ERBB4: variants seen among roughly 807,000 people sequenced by gnomAD.
The protein encoded by ERBB4 is receptor tyrosine-protein kinase erbB-4.
ERBB4 carries 42 observed loss-of-function variants against 158.0 expected under a neutral mutation model. The observed-to-expected ratio is 0.27, with a 90% confidence interval of 0.21 to 0.34. The LOEUF (loss-of-function observed/expected upper bound fraction) is 0.34. ERBB4 is among the 10% of genes least tolerant of loss of function. The pLI, the probability that ERBB4 is intolerant of heterozygous loss-of-function variation, is 1.00. For missense variants in ERBB4, 1,333 were observed against 1,624.1 expected, an observed-to-expected ratio of 0.82 and a Z score of 3.08; for synonymous variants, 583 against 558.7, an observed-to-expected ratio of 1.04 and a Z score of -0.61.
intron 3 of ERBB4, among the ~76,000 whole-genome samples, chr2:211,945,632 A>T (rs1317014239): frequency 6.6e-6 from 1 of 152,120 alleles, no homozygotes; most frequent in Admixed American, 6.6e-5. Context: ...GGTATGCACA[A>T]GTTAAACAAC....
intron 1 of ERBB4, among the ~76,000 whole-genome samples, chr2:212,465,893 T>G (rs1312933240): frequency 1.3e-5 from 2 of 152,210 alleles, no homozygotes; most frequent in Non-Finnish European, 2.9e-5. Context: ...AAGAAATACT[T>G]GAAGTTCTTC....
At chr2:212,462,599 A>G (rs982792606) in intron 1 of ERBB4, among the ~76,000 whole-genome samples, 2 of 152,196 alleles carry the variant, frequency 1.3e-5, no homozygotes, top group African/African-American at 2.4e-5. Flanking sequence ...AAGATAAAAA[A>G]TAAGAAATAA....
At chr2:211,851,114 G>T (rs1219843978) in intron 3 of ERBB4, among the ~76,000 whole-genome samples, 1 of 151,826 alleles carries the variant, frequency 6.6e-6, no homozygotes, top group East Asian at 1.9e-4. Flanking sequence ...AACAGATAAA[G>T]TAGTATACAA....
intron 8 of ERBB4, among the ~76,000 whole-genome samples, chr2:211,712,582 A>C (rs997524680): frequency 1.3e-5 from 2 of 152,156 alleles, no homozygotes; most frequent in Admixed American, 1.3e-4. Context: ...AAATGATTTC[A>C]TGGCCTACAT....
intron 4 of ERBB4, chr2:211,779,386 A>G (rs372363754): frequency 4.0e-4 from 61 of 152,286 alleles, no homozygotes; most frequent in African/African-American, 1.4e-3. Flanking sequence ...TAGGAGCAGT[A>G]CTCGCCATTA....
intron 2 of ERBB4, among the ~76,000 whole-genome samples, chr2:211,977,794 C>A: frequency 6.9e-6 from 1 of 144,772 alleles, no homozygotes; most frequent in East Asian, 2.2e-4. Context: ...GGAGGTTGCA[C>A]TGAGCCATTG....
At chr2:212,393,447 A>G (rs1473238375) in intron 1 of ERBB4, among the ~76,000 whole-genome samples, 1 of 152,056 alleles carries the variant, frequency 6.6e-6, no homozygotes, top group Non-Finnish European at 1.5e-5. Context: ...TATAATAATA[A>G]CATATGAAAT....
intron 1 of ERBB4, among the ~76,000 whole-genome samples, chr2:212,221,736 T>C (rs1164617161): frequency 6.6e-6 from 1 of 151,448 alleles, no homozygotes; most frequent in Non-Finnish European, 1.5e-5. Flanking sequence ...GCTTGTTTAG[T>C]TTTCCTCTTC....
chr2:211,966,847 A>C (rs2081323786), intron 2 of ERBB4, among the ~76,000 whole-genome samples: 1 of 152,112 alleles, frequency 6.6e-6, no homozygotes, highest in African/African-American at 2.4e-5. Flanking sequence ...CATGGAGATA[A>C]GGTAAATTTT....
At chr2:211,923,608 G>A (rs78068641) in intron 3 of ERBB4, among the ~76,000 whole-genome samples, 7,851 of 152,136 alleles carry the variant, frequency 0.052, 299 homozygotes, top group Non-Finnish European at 0.081. Context: ...TTCAAGTAGA[G>A]GGGAAAAGGT....
chr2:212,383,296 T>G (rs2090570481), intron 1 of ERBB4, among the ~76,000 whole-genome samples: 1 of 151,420 alleles, frequency 6.6e-6, no homozygotes, highest in African/African-American at 2.4e-5. Flanking sequence ...AAATCTTGTA[T>G]TTATTAAAAA....
intron 1 of ERBB4, among the ~76,000 whole-genome samples, chr2:212,455,476 G>A (rs542805004): frequency 6.6e-6 from 1 of 152,176 alleles, no homozygotes; most frequent in African/African-American, 2.4e-5. Context: ...CTAGCCACAT[G>A]GCTGTTGAGC....
chr2:212,299,589 A>G (rs773268283), intron 1 of ERBB4, among the ~76,000 whole-genome samples: 1 of 151,526 alleles, frequency 6.6e-6, no homozygotes, highest in Non-Finnish European at 1.5e-5. Flanking sequence ...TCATTACTGA[A>G]TATCTATATA....
At chr2:212,199,060 T>C (rs569353117) in intron 1 of ERBB4, among the ~76,000 whole-genome samples, 1 of 152,300 alleles carries the variant, frequency 6.6e-6, no homozygotes, top group African/African-American at 2.4e-5. Flanking sequence ...TAATTTGTTT[T>C]TGGGGAATCA....
intron 1 of ERBB4, among the ~76,000 whole-genome samples, chr2:212,348,099 T>C (rs188669204): frequency 1.3e-3 from 191 of 152,252 alleles, no homozygotes; most frequent in Non-Finnish European, 2.3e-3. Flanking sequence ...ATTTTTATTT[T>C]ATAATCAAGT....
At chr2:212,159,881 T>C (rs1381926252) in intron 1 of ERBB4, among the ~76,000 whole-genome samples, 1 of 152,032 alleles carries the variant, frequency 6.6e-6, no homozygotes, top group Non-Finnish European at 1.5e-5. Context: ...AATATACTTT[T>C]CTTAATTACT....
intron 3 of ERBB4, among the ~76,000 whole-genome samples, chr2:211,796,486 G>C (rs1197174426): frequency 3.9e-4 from 59 of 151,908 alleles, no homozygotes; most frequent in Admixed American, 3.9e-3. Flanking sequence ...CCTAGAAGTA[G>C]TACTGCTGGG....
intron 3 of ERBB4, among the ~76,000 whole-genome samples, chr2:211,903,112 T>A (rs1168718493): frequency 6.6e-6 from 1 of 151,862 alleles, no homozygotes; most frequent in Non-Finnish European, 1.5e-5. Flanking sequence ...TAAGTCTCTT[T>A]CCCTCCACAT....
Position 212,538,562 on chromosome 2 carries a change from T to A in ERBB4, c.-32A>T, listed in dbSNP as rs1246323281. The stretch of plus-strand genomic sequence containing the variant: ...GAAGTCTCAGATCCCGTGCTGACAA[T>A]TACATGTCCAAATGGCATATCCCCC... On this transcript the variant is annotated 5_prime_UTR_variant, in exon 1 of 28. The change abolishes the stop of an existing upstream ORF in the 5' untranslated region. Transcript: ENST00000342788. 1 of 1,595,588 alleles carries A rather than the reference T, an allele frequency of 6.3e-7. No homozygotes were observed. The highest frequency in any genetic ancestry group is 8.6e-7 in the Non-Finnish European group (1 of 1,163,094).
Sources: allele counts gnomAD v4.1 joint callset (sites outside exome capture counted in the v4.1 genomes callset), GRCh38; gene constraint gnomAD v4.1.1; transcripts MANE v1.5; gene names NCBI Gene and HGNC (gene_info 2026-07-23, HGNC 2026-07-21).